DIP2C: variants seen among roughly 807,000 people sequenced by gnomAD.
DIP2C encodes DIP2 acetate--CoA ligase C (putative).
Under a neutral mutation model 192.4 loss-of-function variants are expected in DIP2C, and 33 were observed. The ratio of observed to expected loss-of-function variants is 0.17; its 90% CI spans 0.13 to 0.23. The LOEUF is 0.23. Among genes scored for constraint, DIP2C ranks in the 10% least tolerant of loss-of-function variants. The pLI is 1.00. For missense variants in DIP2C, 1,537 were observed against 2,110.1 expected, an observed-to-expected ratio of 0.73 and a Z score of 5.32; for synonymous variants, 979 against 864.1, an observed-to-expected ratio of 1.13 and a Z score of -2.33.
intron 1 of DIP2C, among the ~76,000 whole-genome samples, chr10:566,601 G>A (rs557779915): frequency 6.9e-4 from 105 of 152,216 alleles, no homozygotes; most frequent in Non-Finnish European, 1.3e-3. Context: ...CTCCAGAGGC[G>A]AGGGCCCATG....
At chr10:302,678 G>C (rs1198561649) in intron 32 of DIP2C, among the ~76,000 whole-genome samples, 1 of 152,198 alleles carries the variant, frequency 6.6e-6, no homozygotes, top group Non-Finnish European at 1.5e-5. Context: ...GTACGGCCAA[G>C]TGCTCCCGGG....
intron 5 of DIP2C, 105 bp downstream of exon 5, chr10:422,719 G>T: frequency 1.5e-6 from 2 of 1,373,054 alleles, no homozygotes; most frequent in Non-Finnish European, 2.0e-6. Context: ...GGAGCTCTGT[G>T]CTCTTTCCAC....
Position 595,700 on chromosome 10 carries a change from G to A in DIP2C, c.85+93794C>T, listed in dbSNP as rs1205162257. ...CGAAATCCACGCGTCCGCAGGACCC[G>A]CGCCCACCCTGTGGAGCTGCATGTA... On this transcript the variant is annotated intron_variant, in intron 1 of 36. Transcript: ENST00000280886. 3.9e-5 allele frequency among the ~76,000 whole-genome samples: 6 copies of A among 152,192 alleles called. No homozygotes were observed. The East Asian group carries it at 7.7e-4, about 20-fold the overall frequency.
At chr10:321,245 G>A (rs1419316750) in intron 31 of DIP2C, among the ~76,000 whole-genome samples, 8 of 152,246 alleles carry the variant, frequency 5.3e-5, no homozygotes, top group Non-Finnish European at 1.2e-4. Flanking sequence ...ACTGCATGCG[G>A]CTTCGCCCTT....
intron 32 of DIP2C, among the ~76,000 whole-genome samples, chr10:309,079 A>AC (rs1043549243): frequency 2.0e-5 from 3 of 152,144 alleles, no homozygotes; most frequent in African/African-American, 4.8e-5. Flanking sequence ...CACGCACTTC[A>AC]CCTAAGCAAC....
intron 1 of DIP2C, among the ~76,000 whole-genome samples, chr10:595,943 A>AT (rs2089415601): frequency 6.6e-6 from 1 of 152,120 alleles, no homozygotes; most frequent in African/African-American, 2.4e-5. Context: ...GAAAAAGCTT[A>AT]TTTTTAAGCC....
chr10:504,072 T>A (rs1334570151), intron 1 of DIP2C, among the ~76,000 whole-genome samples: 1 of 152,186 alleles, frequency 6.6e-6, no homozygotes, highest in Non-Finnish European at 1.5e-5. Flanking sequence ...ATGGAAATAC[T>A]CTCTCTTCAT....
chr10:368,469 A>AGCTGC (rs1960561070), intron 18 of DIP2C, among the ~76,000 whole-genome samples: 1 of 152,234 alleles, frequency 6.6e-6, no homozygotes, highest in African/African-American at 2.4e-5. Flanking sequence ...GCAGAGGCAG[A>AGCTGC]GCTGCGGGGA....
chr10:569,212 G>A (rs1287618877), intron 1 of DIP2C, among the ~76,000 whole-genome samples: 2 of 152,180 alleles, frequency 1.3e-5, no homozygotes, highest in East Asian at 3.8e-4. Flanking sequence ...ATAACACATT[G>A]CCTACCCTGC....
intron 32 of DIP2C, among the ~76,000 whole-genome samples, chr10:298,039 C>G (rs1334606361): frequency 6.6e-6 from 1 of 152,132 alleles, no homozygotes; most frequent in Non-Finnish European, 1.5e-5. Context: ...GCGCACATAT[C>G]CAACATTAGT....
chr10:452,107 G>T (rs1968898215), intron 3 of DIP2C, among the ~76,000 whole-genome samples: 1 of 152,120 alleles, frequency 6.6e-6, no homozygotes, highest in African/African-American at 2.4e-5. Flanking sequence ...AGGGAAGCAT[G>T]GGGACCACAA....
chr10:378,530 AAG>A (rs1312862773), intron 17 of DIP2C, among the ~76,000 whole-genome samples: 2 of 114,240 alleles, frequency 1.8e-5, no homozygotes, highest in Non-Finnish European at 4.0e-5. Context: ...CACATGCACA[AAG>A]ACACATGTGA....
At chr10:395,329 G>A (rs1489912538) in intron 10 of DIP2C, among the ~76,000 whole-genome samples, 2 of 152,160 alleles carry the variant, frequency 1.3e-5, no homozygotes, top group Non-Finnish European at 2.9e-5. Context: ...AGGTAAGCAA[G>A]GTGACAGATA....
intron 32 of DIP2C, among the ~76,000 whole-genome samples, chr10:299,786 A>G (rs545079882): frequency 6.6e-6 from 1 of 152,324 alleles, no homozygotes; most frequent in South Asian, 2.1e-4. Flanking sequence ...GACTCTTACA[A>G]TTCAATAGCC....
chr10:377,927 G>A (rs1433876030), intron 17 of DIP2C, among the ~76,000 whole-genome samples: 2 of 152,098 alleles, frequency 1.3e-5, no homozygotes, highest in Non-Finnish European at 2.9e-5. Context: ...TAGTTACAAA[G>A]CTAAAAATTA....
At chr10:334,240 G>C (rs963729609) in intron 29 of DIP2C, among the ~76,000 whole-genome samples, 33 of 149,136 alleles carry the variant, frequency 2.2e-4, no homozygotes, top group African/African-American at 7.5e-4. Flanking sequence ...CTTGGAGGCA[G>C]AGGTGGCAGT....
chr10:571,747 G>A lies in DIP2C; in HGVS notation c.86-85217C>T, dbSNP rs190011796. On this transcript the variant is annotated intron_variant, in intron 1 of 36. Transcript: ENST00000280886. ...CGTGTCCACTCAGTGTCCTCACGGC[G>A]CTGGTGCCCAGCAGTATGGCTGTGA... Among the ~76,000 whole-genome samples the A allele has an allele frequency of 3.7e-3, 556 of 152,282 alleles. 3 individuals carry two copies. Among genetic ancestry groups the A allele is most frequent in the African/African-American group, 0.012 (512 of 41,540 alleles).
chr10:426,592 G>A (rs1966611725), intron 4 of DIP2C, among the ~76,000 whole-genome samples: 1 of 152,180 alleles, frequency 6.6e-6, no homozygotes. Context: ...TTCACTATCT[G>A]ATTTCAAAAC....
chr10:648,301 G>A (rs1855606596), intron 1 of DIP2C, among the ~76,000 whole-genome samples: 1 of 151,428 alleles, frequency 6.6e-6, no homozygotes, highest in African/African-American at 2.4e-5. Flanking sequence ...TTGGATGGTG[G>A]GAGAGAACAG....
Sources: gnomAD v4.1 joint callset for allele counts (sites outside exome capture counted in the v4.1 genomes callset) on GRCh38, gnomAD v4.1.1 for gene constraint, MANE v1.5 for transcripts, NCBI Gene and HGNC (gene_info 2026-07-23, HGNC 2026-07-21) for gene names.